POU2AF2: variants seen among roughly 807,000 people sequenced by gnomAD.
The protein encoded by POU2AF2 is POU class 2 homeobox associating factor 2.
the POU2AF2 span, among the ~76,000 whole-genome samples, chr11:111,257,709 G>A: frequency 6.6e-6 from 1 of 152,146 alleles, no homozygotes; most frequent in African/African-American, 2.4e-5. Flanking sequence ...CTCTCTTCTA[G>A]TTAAATAAAT....
chr11:111,249,331 G>A, the POU2AF2 span, among the ~76,000 whole-genome samples: 1 of 152,272 alleles, frequency 6.6e-6, no homozygotes, highest in South Asian at 2.1e-4. Flanking sequence ...AAGAAGGTGG[G>A]AGGTAGGATA....
At chr11:111,257,568 G>A in the POU2AF2 span, among the ~76,000 whole-genome samples, 9 of 151,850 alleles carry the variant, frequency 5.9e-5, no homozygotes, top group Non-Finnish European at 8.8e-5. Context: ...TAGAGAAGGG[G>A]TTCCACTATG....
At chr11:111,249,082 A>G in the POU2AF2 span, among the ~76,000 whole-genome samples, 1 of 152,210 alleles carries the variant, frequency 6.6e-6, no homozygotes, top group African/African-American at 2.4e-5. Flanking sequence ...CTACAGGATG[A>G]GTCGATTCCT....
At chr11:111,264,558 AAGAAAGAAAGAAAGAAAGGG>A in the POU2AF2 span, among the ~76,000 whole-genome samples, 21 of 54,978 alleles carry the variant, frequency 3.8e-4, 2 homozygotes, top group African/African-American at 1.3e-3. Context: ...GAAAGAAAGA[AAGAAAGAAAGAAAGAAAGGG>A]AGAGAGAAAG....
the POU2AF2 span, among the ~76,000 whole-genome samples, chr11:111,279,623 A>AT: frequency 6.6e-6 from 1 of 152,058 alleles, no homozygotes; most frequent in Non-Finnish European, 1.5e-5. Context: ...TCCTCTTCCT[A>AT]TTAGGACATC....
At chr11:111,260,082 G>T in the POU2AF2 span, among the ~76,000 whole-genome samples, 2 of 152,132 alleles carry the variant, frequency 1.3e-5, no homozygotes, top group Admixed American at 6.5e-5. Flanking sequence ...TGTTGCAAAC[G>T]CAATCCAATA....
the POU2AF2 span, among the ~76,000 whole-genome samples, chr11:111,264,502 AAGAAAGAAAGAAAGAAAGAAAGAAAG>A: frequency 6.5e-5 from 1 of 15,326 alleles, no homozygotes; most frequent in Non-Finnish European, 1.4e-4. Flanking sequence ...GAAAGAAAGA[AAGAAAGAAAGAAAGAAAGAAAGAAAG>A]AAAGAAAGAA....
At chr11:111,267,617 A>G in the POU2AF2 span, among the ~76,000 whole-genome samples, 1 of 152,216 alleles carries the variant, frequency 6.6e-6, no homozygotes, top group African/African-American at 2.4e-5. Flanking sequence ...TAGAAGGCAG[A>G]GACAATATCA....
chr11:111,252,134 A>G, the POU2AF2 span, among the ~76,000 whole-genome samples: 1 of 152,164 alleles, frequency 6.6e-6, no homozygotes, highest in African/African-American at 2.4e-5. Context: ...GACCTCCTCA[A>G]TTCCCAGGCC....
the POU2AF2 span, among the ~76,000 whole-genome samples, chr11:111,283,129 C>G: frequency 6.7e-6 from 1 of 150,166 alleles, no homozygotes; most frequent in African/African-American, 2.5e-5. Context: ...ACCTCCACCT[C>G]CCGGGTTCAA....
the POU2AF2 span, among the ~76,000 whole-genome samples, chr11:111,258,486 C>T: frequency 6.6e-6 from 1 of 152,134 alleles, no homozygotes; most frequent in Non-Finnish European, 1.5e-5. Context: ...AGAAAAGTTA[C>T]ATTAAAGGGC....
At chr11:111,260,542 G>A in the POU2AF2 span, among the ~76,000 whole-genome samples, 234 of 152,206 alleles carry the variant, frequency 1.5e-3, no homozygotes, top group Middle Eastern at 3.4e-3. Flanking sequence ...CACACACACC[G>A]GGGAGAAGAT....
the POU2AF2 span, among the ~76,000 whole-genome samples, chr11:111,264,631 AAG>A: frequency 3.1e-5 from 1 of 32,270 alleles, no homozygotes; most frequent in South Asian, 3.3e-3. Flanking sequence ...AGAAGAAAGA[AAG>A]AGAAAGAAAG....
the POU2AF2 span, among the ~76,000 whole-genome samples, chr11:111,269,585 A>G: frequency 6.6e-6 from 1 of 152,236 alleles, no homozygotes; most frequent in South Asian, 2.1e-4. Context: ...GCTTGCAAAA[A>G]TAATCAGTTT....
At chr11:111,249,056 C>A in the POU2AF2 span, among the ~76,000 whole-genome samples, 1 of 152,162 alleles carries the variant, frequency 6.6e-6, no homozygotes, top group Non-Finnish European at 1.5e-5. Flanking sequence ...TGCAAAAAAA[C>A]ATCTTTTTCC....
chr11:111,284,468 C>A, the POU2AF2 span: 1 of 1,421,604 alleles, frequency 7.0e-7, no homozygotes, highest in Non-Finnish European at 9.3e-7. Flanking sequence ...GGGTTGAAGC[C>A]AGGTCTGGCT....
At chr11:111,285,580 G>A in the POU2AF2 span, 1 of 1,514,590 alleles carries the variant, frequency 6.6e-7, no homozygotes, top group South Asian at 1.3e-5. Flanking sequence ...TGAAGCCACA[G>A]TCTGGCAGCA....
the POU2AF2 span, among the ~76,000 whole-genome samples, chr11:111,279,206 T>C: frequency 2.0e-5 from 3 of 152,182 alleles, no homozygotes; most frequent in Admixed American, 6.5e-5. Context: ...CTGCAAGATG[T>C]GTCTCCCACC....
At chr11:111,286,119 G>A in the POU2AF2 span, 1 of 1,565,872 alleles carries the variant, frequency 6.4e-7, no homozygotes, top group Non-Finnish European at 8.6e-7. Flanking sequence ...ATTGTTTTAG[G>A]TGTGTCAGCC....
Sources: gnomAD v4.1 joint callset for allele counts (sites outside exome capture counted in the v4.1 genomes callset) on GRCh38, gnomAD v4.1.1 for gene constraint, MANE v1.5 for transcripts, NCBI Gene and HGNC (gene_info 2026-07-23, HGNC 2026-07-21) for gene names.